Variants in ZNF197 observed in about 807,000 individuals in gnomAD.
The protein encoded by ZNF197 is zinc finger protein 197, also known as VHL-associated KRAB-A domain-containing protein.
A neutral mutation model predicts 27.4 loss-of-function variants in ZNF197; 14 were observed. That is an observed-to-expected ratio of 0.51 (90% CI 0.34 to 0.80). The LOEUF (loss-of-function observed/expected upper bound fraction) is 0.80. Among genes scored for constraint, ZNF197 ranks in the 30% least tolerant of loss-of-function variants. The pLI is 0.02. For missense variants in ZNF197, 1,090 were observed against 1,222.6 expected, an observed-to-expected ratio of 0.89 and a Z score of 1.62; for synonymous variants, 415 against 420.0, an observed-to-expected ratio of 0.99 and a Z score of 0.15.
At chr3:44,628,147 C>T (rs537221406) in intron 1 of ZNF197, among the ~76,000 whole-genome samples, 17 of 152,140 alleles carry the variant, frequency 1.1e-4, no homozygotes, top group South Asian at 2.1e-4. Context: ...CAAGGATAGC[C>T]GTTGTGACCT....
chr3:44,637,383 C>T (rs751620974), intron 5 of ZNF197, among the ~76,000 whole-genome samples: 46 of 152,192 alleles, frequency 3.0e-4, no homozygotes, highest in Non-Finnish European at 5.9e-4. Context: ...CTGCCTCAGC[C>T]TCCCCAAGTG....
chr3:44,646,626 G>C lies in ZNF197; in HGVS notation c.*2406G>C, dbSNP rs1702974937. 2.7e-6 allele frequency: 2 copies of C among 748,742 alleles called. No homozygotes were observed. Among genetic ancestry groups the C allele is most frequent in the Non-Finnish European group, 4.7e-6 (2 of 421,188 alleles). 46.4% of individuals were successfully genotyped at this position (748,742 alleles called of 1,614,324 possible). On this transcript the variant is annotated 3_prime_UTR_variant, in exon 6 of 6. Transcript: ENST00000344387. ...TTATTATGATGAAAAAGAGAGGGGA[G>C]TGAAAATTGTTCAAGCTGTCTTGAG...
At chr3:44,639,750 A>G (rs1702494139) in intron 5 of ZNF197, among the ~76,000 whole-genome samples, 2 of 152,058 alleles carry the variant, frequency 1.3e-5, no homozygotes, top group South Asian at 2.1e-4. Context: ...AAAGAAGAAG[A>G]GCAATTCAGG....
rs1290907319 is a variant in ZNF197 at position 44,629,133 on chromosome 3, G to A, written c.-22G>A. The stretch of plus-strand genomic sequence containing the variant: ...GATTAAGGAGACCTGGACTGGAGAG[G>A]AGCCTTTTTCAAAAAACAACAATGA... On this transcript the variant is annotated 5_prime_UTR_variant, in exon 2 of 6. Coordinates refer to ENST00000344387, the MANE Select transcript of ZNF197 (RefSeq NM_006991.5). 1 of 1,590,728 alleles carries A rather than the reference G, an allele frequency of 6.3e-7. No homozygotes were observed. The highest frequency in any genetic ancestry group is 8.5e-7 in the Non-Finnish European group (1 of 1,171,462).
chr3:44,645,156 A>G lies in ZNF197; in HGVS notation c.*936A>G. Reference sequence around the variant, plus strand: ...AAAGCTTTAGTTTCCTGTCAGTCAAATGTTGACATGATACCTACCTCACAG... The same window carrying G: ...AAAGCTTTAGTTTCCTGTCAGTCAAGTGTTGACATGATACCTACCTCACAG... On this transcript the variant is annotated 3_prime_UTR_variant, in exon 6 of 6. Transcript: ENST00000344387. 1 of 964,952 alleles carries G rather than the reference A, an allele frequency of 1.0e-6. No individual in the cohort carries two copies. Among genetic ancestry groups the G allele is most frequent in the Non-Finnish European group, 1.2e-6 (1 of 811,332 alleles). 59.8% of individuals were successfully genotyped at this position (964,952 alleles called of 1,614,324 possible). A position where few individuals can be genotyped will look rare whatever the true frequency, so the allele number is the denominator to read the frequency against.
At chr3:44,635,816 G>T (rs1702255613) in intron 5 of ZNF197, among the ~76,000 whole-genome samples, 1 of 152,164 alleles carries the variant, frequency 6.6e-6, no homozygotes, top group Non-Finnish European at 1.5e-5. Context: ...GAGCCCATAG[G>T]ATCCTGGGAA....
At chr3:44,628,136 T>C (rs1701772641) in intron 1 of ZNF197, among the ~76,000 whole-genome samples, 1 of 152,222 alleles carries the variant, frequency 6.6e-6, no homozygotes, top group African/African-American at 2.4e-5. Context: ...AAATTTGTTA[T>C]CAAGGATAGC....
At position 44,642,736 on chromosome 3, in the gene ZNF197, A is replaced by G; in HGVS notation, c.1606A>G (p.Lys536Glu). ...GCACCAGAGAATCCACTCTGGGGAA[A>G]AACCCTATAAATGTGATGAATGTGG... ...ILHQRIHSGE[K>E]PYKCDECGKT... Residue 536 changes from lysine (K) to glutamate (E), a missense_variant, in exon 6 of 6, where the codon AAA (lysine) becomes GAA (glutamate). Transcript: ENST00000344387. 2 of 1,613,864 alleles carry G rather than the reference A, an allele frequency of 1.2e-6. No homozygotes were observed. Among genetic ancestry groups the G allele is most frequent in the South Asian group, 2.2e-5 (2 of 91,076 alleles).
Position 44,631,083 on chromosome 3 carries a change from C to A in ZNF197, c.412C>A (p.Gln138Lys). The A allele has an allele frequency of 6.2e-7, 1 of 1,614,144 alleles. No individual in the cohort carries two copies. The highest frequency in any genetic ancestry group is 1.1e-5 in the South Asian group (1 of 91,080). Reference protein sequence around the residue: ...AIQVPVLVKDQDTLQKVVSAP... With the variant: ...AIQVPVLVKDKDTLQKVVSAP... ...CCAGGTTCCAGTCCTTGTCAAGGATCAGGACACTCTCCAGAAGGTGGTGAG... is the reference window on the plus strand; with the variant it reads ...CCAGGTTCCAGTCCTTGTCAAGGATAAGGACACTCTCCAGAAGGTGGTGAG... Residue 138 changes from glutamine to lysine, a missense_variant, in exon 3 of 6, where the codon CAG becomes AAG. Physicochemically the swap from Gln to Lys is moderately conservative, Grantham distance 53. Coordinates refer to ENST00000344387, the MANE Select transcript of ZNF197 (RefSeq NM_006991.5).
intron 5 of ZNF197, among the ~76,000 whole-genome samples, chr3:44,639,483 T>A (rs982676716): frequency 1.4e-4 from 21 of 151,354 alleles, no homozygotes; most frequent in Non-Finnish European, 2.7e-4. Flanking sequence ...TTTTTTTTTT[T>A]AATTATTGAT....
Position 44,643,527 on chromosome 3 carries a change from C to A in ZNF197, c.2397C>A (p.Phe799Leu). The A allele has an allele frequency of 6.2e-7, 1 of 1,614,062 alleles. No individual in the cohort carries two copies. The highest frequency in any genetic ancestry group is 2.2e-5 in the East Asian group (1 of 44,850). The change falls in exon 6 of 6, where the codon TTC (phenylalanine) becomes TTA (leucine). Residue 799 changes from phenylalanine (F) to leucine (L), a missense_variant. By Grantham distance (22) the Phe-to-Leu change is conservative. Transcript: ENST00000344387. ...PYECDECGKC[F>L]ILKKSLIGHQ... ...AGTGTGATGAGTGTGGCAAATGCTT[C>A]ATTCTGAAGAAAAGCCTCATTGGAC...
intron 1 of ZNF197, among the ~76,000 whole-genome samples, chr3:44,627,502 A>G (rs376103114): frequency 7.2e-5 from 11 of 152,168 alleles, no homozygotes; most frequent in East Asian, 1.9e-4. Flanking sequence ...TCATAGTCCA[A>G]TGATCCTTTT....
Position 44,647,729 on chromosome 3 carries a change from A to G in ZNF197, c.*3509A>G, listed in dbSNP as rs2125832970. The G allele has an allele frequency of 6.6e-6, 1 of 152,340 alleles. No individual in the cohort carries two copies. Among genetic ancestry groups the G allele is most frequent in the East Asian group, 1.9e-4 (1 of 5,192 alleles). The allele number at this position is 152,340 out of a possible 1,614,324, so 9.4% of individuals were successfully genotyped here. On this transcript the variant is annotated 3_prime_UTR_variant, in exon 6 of 6. Coordinates refer to ENST00000344387, the MANE Select transcript of ZNF197 (RefSeq NM_006991.5). ...ATATTCTGTATGAAAATATTCATATAACATTCTCAAAATGATAAAACTATA... is the reference window on the plus strand; with the variant it reads ...ATATTCTGTATGAAAATATTCATATGACATTCTCAAAATGATAAAACTATA...
At chr3:44,639,006 G>C (rs1000221208) in intron 5 of ZNF197, among the ~76,000 whole-genome samples, 1 of 152,198 alleles carries the variant, frequency 6.6e-6, no homozygotes, top group Non-Finnish European at 1.5e-5. Flanking sequence ...GAGCCACTGT[G>C]CCTGGCCAGA....
In ZNF197 at chr3:44,647,214, G is replaced by T. The variant is rs1197897225; in HGVS notation, c.*2994G>T. 6.6e-6 allele frequency: 1 copy of T among 151,690 alleles called. No homozygotes were observed. Among genetic ancestry groups the T allele is most frequent in the Non-Finnish European group, 1.5e-5 (1 of 67,940 alleles). The allele number at this position is 151,690 out of a possible 1,614,324, so 9.4% of individuals were successfully genotyped here. A position where few individuals can be genotyped will look rare whatever the true frequency, so the allele number is the denominator to read the frequency against. On this transcript the variant is annotated 3_prime_UTR_variant, in exon 6 of 6. Transcript: ENST00000344387. The stretch of plus-strand genomic sequence containing the variant: ...TAGATAGCAAATAAGCAAATGAAAA[G>T]ATGTTCAACATCATTAGGCATGAGG...
At chr3:44,633,093 C>G (rs550572978) in intron 5 of ZNF197, among the ~76,000 whole-genome samples, 1 of 152,296 alleles carries the variant, frequency 6.6e-6, no homozygotes, top group South Asian at 2.1e-4. Flanking sequence ...TGCCAAATTA[C>G]TTTCTGTAGC....
chr3:44,644,674 C>T lies in ZNF197; in HGVS notation c.*454C>T. On this transcript the variant is annotated 3_prime_UTR_variant, in exon 6 of 6. Transcript: ENST00000344387. ...AAGTTCATCCCAACTTTCAAGTCTA[C>T]AAAAACATAATCCAAATCTAATAAC... The T allele has an allele frequency of 2.0e-6, 2 of 987,192 alleles. No homozygotes were observed. Among genetic ancestry groups the T allele is most frequent in the Non-Finnish European group, 2.4e-6 (2 of 831,332 alleles). 61.2% of individuals were successfully genotyped at this position (987,192 alleles called of 1,614,324 possible). A position where few individuals can be genotyped will look rare whatever the true frequency, so the allele number is the denominator to read the frequency against.
Position 44,641,931 on chromosome 3 carries a change from G to C in ZNF197, c.801G>C (p.Val267=). ...EWETMTENEE[V]TSKPSSSQRA... ...AGACCATGACCGAGAATGAGGAGGTGACATCAAAGCCAAGTAGTTCTCAAA... is the reference window on the plus strand; with the variant it reads ...AGACCATGACCGAGAATGAGGAGGTCACATCAAAGCCAAGTAGTTCTCAAA... The change falls in exon 6 of 6, where the codon GTG becomes GTC. Residue 267 remains valine, a synonymous_variant. Transcript: ENST00000344387. The C allele has an allele frequency of 1.9e-6, 3 of 1,604,448 alleles. No homozygotes were observed. The highest frequency in any genetic ancestry group is 2.6e-6 in the Non-Finnish European group (3 of 1,175,742).
intron 5 of ZNF197, among the ~76,000 whole-genome samples, chr3:44,634,447 C>T (rs1702170728): frequency 6.6e-6 from 1 of 151,798 alleles, no homozygotes; most frequent in Admixed American, 6.6e-5. Context: ...GTAAACCCAC[C>T]TGTATTCTAT....
Sources: gnomAD v4.1 joint callset for allele counts (sites outside exome capture counted in the v4.1 genomes callset) on GRCh38, gnomAD v4.1.1 for gene constraint, MANE v1.5 for transcripts, NCBI Gene and HGNC (gene_info 2026-07-23, HGNC 2026-07-21) for gene names.